Variants in GRHL2 observed in about 807,000 individuals in gnomAD.
GRHL2 encodes the protein grainyhead-like protein 2 homolog.
A neutral mutation model predicts 83.8 loss-of-function variants in GRHL2; 21 were observed. The observed-to-expected ratio is 0.25, with a 90% CI of 0.18 to 0.36. The LOEUF (loss-of-function observed/expected upper bound fraction) is 0.36. Ranked by LOEUF, GRHL2 falls within the 10% of genes least tolerant of loss-of-function variation. The pLI is 1.00. For synonymous variants in GRHL2, 280 were observed against 278.9 expected (o/e 1.00, Z -0.04); for missense variants, 623 against 781.8 (o/e 0.80, Z 2.42).
chr8:101,578,641 C>T (rs956627432), intron 7 of GRHL2, among the ~76,000 whole-genome samples: 4 of 152,142 alleles, frequency 2.6e-5, no homozygotes, highest in African/African-American at 9.7e-5. Context: ...ACTTCATTAC[C>T]CCATTTTGCT....
intron 6 of GRHL2, among the ~76,000 whole-genome samples, chr8:101,576,316 C>G (rs1012093323): frequency 6.6e-6 from 1 of 152,142 alleles, no homozygotes; most frequent in African/African-American, 2.4e-5. Flanking sequence ...CAAGCTCAAA[C>G]GGATCCTCCT....
At chr8:101,628,220 C>T (rs1329072237) in intron 9 of GRHL2, among the ~76,000 whole-genome samples, 2 of 151,994 alleles carry the variant, frequency 1.3e-5, no homozygotes, top group Non-Finnish European at 2.9e-5. Flanking sequence ...CTGACTTTCT[C>T]GTTAGGGGCT....
At chr8:101,599,239 C>A (rs188199984) in intron 8 of GRHL2, 88 bp downstream of exon 8, 2 of 872,926 alleles carry the variant, frequency 2.3e-6, no homozygotes, top group Non-Finnish European at 3.8e-6. Flanking sequence ...TATCAGTAGC[C>A]TCCTATTAAA....
At chr8:101,594,426 G>T (rs952051665) in intron 7 of GRHL2, among the ~76,000 whole-genome samples, 1 of 152,222 alleles carries the variant, frequency 6.6e-6, no homozygotes, top group Non-Finnish European at 1.5e-5. Flanking sequence ...CCAGGTTACT[G>T]AGTTTCCATT....
intron 7 of GRHL2, among the ~76,000 whole-genome samples, chr8:101,597,309 T>A (rs1278962437): frequency 6.6e-6 from 1 of 152,154 alleles, no homozygotes; most frequent in Non-Finnish European, 1.5e-5. Context: ...ATAAGTAAAC[T>A]GTGGCGACAG....
downstream of GRHL2, among the ~76,000 whole-genome samples, chr8:101,671,228 T>TCC (rs1265761491): frequency 1.3e-5 from 2 of 152,174 alleles, no homozygotes; most frequent in African/African-American, 4.8e-5. Context: ...AGGCATTGCC[T>TCC]CACTCGGGAA....
In GRHL2 at chr8:101,629,283, C is replaced by A. The variant is rs562393942; in HGVS notation, c.1258-2354C>A. On this transcript the variant is annotated intron_variant, in intron 9 of 15. Transcript: ENST00000646743. ...CCATCTATTAGCAAAAAGAATACAA[C>A]TTGCTAAAGCCTCAGTGTGTATTTT... Among the ~76,000 whole-genome samples, 3 of 151,420 alleles carry A rather than the reference C, an allele frequency of 2.0e-5. No individual in the cohort carries two copies. In the South Asian group the frequency reaches 6.3e-4, roughly 32 times the overall value.
intron 7 of GRHL2, among the ~76,000 whole-genome samples, chr8:101,590,149 A>G (rs1270540584): frequency 1.3e-5 from 2 of 152,180 alleles, no homozygotes; most frequent in Admixed American, 1.3e-4. Context: ...TCAATGATGG[A>G]AATACTTTAG....
intron 14 of GRHL2, among the ~76,000 whole-genome samples, chr8:101,649,770 T>G (rs561293328): frequency 1.3e-5 from 2 of 152,328 alleles, no homozygotes; most frequent in Admixed American, 1.3e-4. Flanking sequence ...GAGTTCTCAC[T>G]TGTCTCTCGG....
intron 1 of GRHL2, among the ~76,000 whole-genome samples, chr8:101,537,862 A>G (rs1389390914): frequency 1.3e-5 from 2 of 152,154 alleles, no homozygotes; most frequent in Non-Finnish European, 2.9e-5. Context: ...AAAAGTAATA[A>G]TTTGTGTGCA....
At chr8:101,543,188 T>A (rs1383663117) in intron 1 of GRHL2, 53 bp from the exon 2 acceptor site, 1 of 1,336,260 alleles carries the variant, frequency 7.5e-7, no homozygotes, top group Admixed American at 1.7e-5. Context: ...TTATTAGGGG[T>A]AAAAAATTTG....
At chr8:101,664,129 G>A (rs1813989033) in intron 14 of GRHL2, among the ~76,000 whole-genome samples, 1 of 152,152 alleles carries the variant, frequency 6.6e-6, no homozygotes, top group Non-Finnish European at 1.5e-5. Flanking sequence ...GAGTGGAGAA[G>A]GAATCCAATA....
At chr8:101,494,060 C>A (rs1021569304) in intron 1 of GRHL2, among the ~76,000 whole-genome samples, 2 of 152,176 alleles carry the variant, frequency 1.3e-5, no homozygotes, top group African/African-American at 4.8e-5. Context: ...GTGCGCGGGG[C>A]CGCCCTTTTG....
chr8:101,628,553 A>G lies in GRHL2; in HGVS notation c.1258-3084A>G, dbSNP rs111970759. On this transcript the variant is annotated intron_variant, in intron 9 of 15. Coordinates refer to ENST00000646743, the MANE Select transcript of GRHL2 (RefSeq NM_024915.4). ...TCTGCAGCCCATGGATCGAGGAATA[A>G]TTCTGATTTTCCAGTCTTTTTATTT... is the stretch of plus-strand genomic sequence containing the variant. 5.9e-3 allele frequency among the ~76,000 whole-genome samples: 902 copies of G among 152,220 alleles called. 7 individuals carry two copies. Among genetic ancestry groups the G allele is most frequent in the African/African-American group, 0.019 (809 of 41,546 alleles).
chr8:101,558,930 G>GT (rs746226371), intron 4 of GRHL2, 118 bp downstream of exon 4: 99 of 1,145,030 alleles, frequency 8.6e-5, no homozygotes, highest in Non-Finnish European at 1.1e-4. Context: ...GCTTCAATTA[G>GT]TTTTTTAAAA....
At chr8:101,619,145 C>T (rs1000847856) in intron 8 of GRHL2, among the ~76,000 whole-genome samples, 7 of 151,838 alleles carry the variant, frequency 4.6e-5, no homozygotes, top group Admixed American at 2.0e-4. Flanking sequence ...CCCAGCTACT[C>T]GGGAGGCTTA....
chr8:101,543,555 T>C, intron 2 of GRHL2, 119 bp downstream of exon 2: 1 of 927,468 alleles, frequency 1.1e-6, no homozygotes, highest in Non-Finnish European at 1.7e-6. Context: ...CCAAAGTCAA[T>C]ATAGAATTCA....
chr8:101,537,774 C>A (rs1361052041), intron 1 of GRHL2, among the ~76,000 whole-genome samples: 1 of 152,164 alleles, frequency 6.6e-6, no homozygotes, highest in Non-Finnish European at 1.5e-5. Context: ...AAAGCATCCT[C>A]CCCCTATATC....
intron 6 of GRHL2, among the ~76,000 whole-genome samples, chr8:101,575,308 T>G (rs2130236307): frequency 6.6e-6 from 1 of 152,288 alleles, no homozygotes; most frequent in Middle Eastern, 3.4e-3. Flanking sequence ...GGGTGGTTAG[T>G]ATTCTAAGGT....
Sources: gnomAD v4.1 joint callset for allele counts (sites outside exome capture counted in the v4.1 genomes callset) on GRCh38, gnomAD v4.1.1 for gene constraint, MANE v1.5 for transcripts, NCBI Gene and HGNC (gene_info 2026-07-23, HGNC 2026-07-21) for gene names.